MEGF8: variants seen among roughly 807,000 people sequenced by gnomAD.
MEGF8 encodes the protein multiple EGF like domains 8, also known as multiple epidermal growth factor-like domains protein 8.
A neutral mutation model predicts 302.9 loss-of-function variants in MEGF8; 156 were observed. The observed-to-expected ratio is 0.52, with a 90% CI of 0.45 to 0.59. The LOEUF (loss-of-function observed/expected upper bound fraction) is 0.59. MEGF8 is among the 20% of genes least tolerant of loss of function. The pLI is 0.00. For synonymous variants in MEGF8, 1,621 were observed against 1,660.5 expected, an observed-to-expected ratio of 0.98 and a Z score of 0.58; for missense variants, 3,345 against 3,964.5, an observed-to-expected ratio of 0.84 and a Z score of 4.20.
intron 32 of MEGF8, 68 bp from the exon 33 acceptor site, chr19:42,362,013 GCCTGCAGGA>G: frequency 6.4e-7 from 1 of 1,564,396 alleles, no homozygotes; most frequent in African/African-American, 1.3e-5. Flanking sequence ...AGGGTTGGGG[GCCTGCAGGA>G]CAGTGTCTGG....
chr19:42,367,643 C>T (rs956945838), intron 35 of MEGF8, among the ~76,000 whole-genome samples: 7 of 152,112 alleles, frequency 4.6e-5, no homozygotes, highest in African/African-American at 1.7e-4. Context: ...GCCATTGTTC[C>T]TTTACCTGGA....
At chr19:42,362,999 C>T (rs746303542) in intron 34 of MEGF8, 49 bp from the exon 35 acceptor site, 1 of 1,515,594 alleles carries the variant, frequency 6.6e-7, no homozygotes, top group Non-Finnish European at 9.0e-7. Flanking sequence ...AGGGGCTGGG[C>T]TTGCGATCTC....
rs1267117415 is a variant in MEGF8 at position 42,357,322 on chromosome 19, T to TG, written c.4831-76dup. 7 of 1,503,760 alleles carry TG rather than the reference T, an allele frequency of 4.7e-6. No individual in the cohort carries two copies. Among genetic ancestry groups the TG allele is most frequent in the South Asian group, 2.4e-5 (2 of 81,974 alleles). The allele number at this position is 1,503,760 out of a possible 1,614,324, so 93.2% of individuals were successfully genotyped here. On this transcript the variant is annotated intron_variant, in intron 27 of 41. Transcript: ENST00000251268. The surrounding 1 kb of genome is among the most constrained non-coding windows in gnomAD (Gnocchi z 5.2). The stretch of plus-strand genomic sequence containing the variant: ...CTCCTTAGTACTTCAGGGAGGACTG[T>TG]GGGGGGCTGAGGCTCGCTTCTACCC...
intron 30 of MEGF8, 26 bp from the exon 31 acceptor site, chr19:42,359,072 C>CCCCCCCCCCCCCCCCT: frequency 6.7e-7 from 1 of 1,502,158 alleles, no homozygotes; most frequent in Non-Finnish European, 8.9e-7. Flanking sequence ...GCTGTCCTGT[C>CCCCCCCCCCCCCCCCT]CCCCCACCCC....
Position 42,351,265 on chromosome 19 carries a change from C to T in MEGF8, c.2786C>T (p.Ala929Val). ...AGCACCAGCCGCAAAGGGGACGCGG[C>T]ATGCAGCCGGCGGGGCCGGGGTCGG... Reference protein sequence around the residue: ...HQSTSRKGDAACSRRGRGRGA... With the variant: ...HQSTSRKGDAVCSRRGRGRGA... Residue 929 changes from alanine to valine, a missense_variant, in exon 16 of 42, where the codon GCA (alanine) becomes GTA (valine). Ala to Val is a moderately conservative substitution (Grantham distance 64). Transcript: ENST00000251268. The surrounding 1 kb of genome is among the most constrained non-coding windows in gnomAD (Gnocchi z 5.6). 6.4e-7 allele frequency: 1 copy of T among 1,573,642 alleles called. No individual in the cohort carries two copies. The highest frequency in any genetic ancestry group is 8.6e-7 in the Non-Finnish European group (1 of 1,159,278).
chr19:42,356,709 C>A lies in MEGF8; in HGVS notation c.4623-65C>A. On this transcript the variant is annotated intron_variant, in intron 26 of 41. Transcript: ENST00000251268. This position sits in a 1 kb window ranked among gnomAD's most constrained non-coding sequence, Gnocchi z 5.2. ...AGGGGATGCGGGGACATCTGTCAGG[C>A]AGGGTCACCTTGAAGGATGCTGGGA... The A allele has an allele frequency of 6.8e-7, 1 of 1,464,694 alleles. No homozygotes were observed. Among genetic ancestry groups the A allele is most frequent in the Non-Finnish European group, 9.2e-7 (1 of 1,089,414 alleles). 90.7% of individuals were successfully genotyped at this position (1,464,694 alleles called of 1,614,324 possible).
At position 42,358,004 on chromosome 19, in the gene MEGF8, G is replaced by A. The variant is rs1483508975; in HGVS notation, c.5012-140G>A. On this transcript the variant is annotated intron_variant, in intron 28 of 41. Coordinates refer to ENST00000251268, the MANE Select transcript of MEGF8 (RefSeq NM_001271938.2). This position sits in a 1 kb window ranked among gnomAD's most constrained non-coding sequence, Gnocchi z 4.4. ...ATTGTCCATTTGAACCCAACTGAGAGGGACGGGTGGAGAGGGGCTCCCAGG... is the reference window on the plus strand; with the variant it reads ...ATTGTCCATTTGAACCCAACTGAGAAGGACGGGTGGAGAGGGGCTCCCAGG... 1.3e-6 allele frequency: 1 copy of A among 780,392 alleles called. No individual in the cohort carries two copies. Among genetic ancestry groups the A allele is most frequent in the Non-Finnish European group, 1.9e-6 (1 of 519,656 alleles). The allele number at this position is 780,392 out of a possible 1,614,324, so 48.3% of individuals were successfully genotyped here.
In MEGF8 at chr19:42,357,320, T is replaced by A; in HGVS notation, c.4831-84T>A. 6.7e-6 allele frequency: 10 copies of A among 1,491,604 alleles called. No homozygotes were observed. The highest frequency in any genetic ancestry group is 8.2e-6 in the Non-Finnish European group (9 of 1,094,214). The allele number at this position is 1,491,604 out of a possible 1,614,324, so 92.4% of individuals were successfully genotyped here. A position where few individuals can be genotyped will look rare whatever the true frequency, so the allele number is the denominator to read the frequency against. ...CCCTCCTTAGTACTTCAGGGAGGAC[T>A]GTGGGGGGCTGAGGCTCGCTTCTAC... On this transcript the variant is annotated intron_variant, in intron 27 of 41. Transcript: ENST00000251268. This position sits in a 1 kb window ranked among gnomAD's most constrained non-coding sequence, Gnocchi z 5.2.
chr19:42,352,494 A>T lies in MEGF8; in HGVS notation c.3350+38A>T, dbSNP rs1410352629. On this transcript the variant is annotated intron_variant, in intron 19 of 41. Coordinates refer to ENST00000251268, the MANE Select transcript of MEGF8 (RefSeq NM_001271938.2). The surrounding 1 kb of genome is among the most constrained non-coding windows in gnomAD (Gnocchi z 4.4). ...GGGGTTGCTATGGAGATGTTGCCCC[A>T]GGCTGGGGCACATGGAGGTGGAGGG... is the stretch of plus-strand genomic sequence containing the variant. 6.5e-7 allele frequency: 1 copy of T among 1,541,038 alleles called. No homozygotes were observed. Among genetic ancestry groups the T allele is most frequent in the Non-Finnish European group, 8.8e-7 (1 of 1,136,808 alleles).
chr19:42,338,825 A>ATTTTTTTTTTTTT (rs55994617), intron 8 of MEGF8, among the ~76,000 whole-genome samples: 2 of 47,146 alleles, frequency 4.2e-5, no homozygotes. Flanking sequence ...CTTTCTATGT[A>ATTTTTTTTTTTTT]TTTTTTTTTT....
At position 42,362,545 on chromosome 19, in the gene MEGF8, G is replaced by A; in HGVS notation, c.6006G>A (p.Glu2002=). 1 of 1,613,468 alleles carries A rather than the reference G, an allele frequency of 6.2e-7. No homozygotes were observed. Among genetic ancestry groups the A allele is most frequent in the Non-Finnish European group, 8.5e-7 (1 of 1,179,880 alleles). Residue 2002 remains glutamate, a synonymous_variant, in exon 34 of 42, where the codon GAG becomes GAA. Transcript: ENST00000251268. Reference sequence around the variant, plus strand: ...CTGCGTGCGGGGCTGCTGACTGCGAGCAGTGCACGCGGGAGGGCAAGTGCA... The same window carrying A: ...CTGCGTGCGGGGCTGCTGACTGCGAACAGTGCACGCGGGAGGGCAAGTGCA... The part of the protein sequence containing the change: ...SEAACGAADC[E]QCTREGKCMW...
chr19:42,378,448 G>C lies in MEGF8; in HGVS notation c.*1673G>C, dbSNP rs968763879. ...GCCGGTACCGTCAGTGCACAGCCCT[G>C]TTCCAGACAGTGCTGCCTGGAAGAT... On this transcript the variant is annotated 3_prime_UTR_variant, in exon 42 of 42. Coordinates refer to ENST00000251268, the MANE Select transcript of MEGF8 (RefSeq NM_001271938.2). 1.3e-5 allele frequency: 2 copies of C among 153,856 alleles called. No homozygotes were observed. Among genetic ancestry groups the C allele is most frequent in the Non-Finnish European group, 2.9e-5 (2 of 68,126 alleles). 9.5% of individuals were successfully genotyped at this position (153,856 alleles called of 1,614,324 possible).
chr19:42,340,553 G>T lies in MEGF8; in HGVS notation c.1514-2924G>T, dbSNP rs189206244. Among the ~76,000 whole-genome samples, 10 of 152,130 alleles carry T rather than the reference G, an allele frequency of 6.6e-5. No individual in the cohort carries two copies. The East Asian group carries it at 1.7e-3, about 26-fold the overall frequency. ...CTAATTTTTGTATTTTTTTAGTAGA[G>T]ATGGGGTTTCACTGTGTTGACCTTG... On this transcript the variant is annotated intron_variant, in intron 8 of 41. Transcript: ENST00000251268.
Position 42,376,802 on chromosome 19 carries a change from G to T in MEGF8, c.*27G>T, listed in dbSNP as rs921958105. On this transcript the variant is annotated 3_prime_UTR_variant, in exon 42 of 42. Coordinates refer to ENST00000251268, the MANE Select transcript of MEGF8 (RefSeq NM_001271938.2). This position sits in a 1 kb window ranked among gnomAD's most constrained non-coding sequence, Gnocchi z 8.2. Reference sequence around the variant, plus strand: ...ATGCCCAGGGTTCTCATCCACAGCAGCTGGGTCACCTGATAGGGCCGCCCT... The same window carrying T: ...ATGCCCAGGGTTCTCATCCACAGCATCTGGGTCACCTGATAGGGCCGCCCT... The T allele has an allele frequency of 8.4e-6, 12 of 1,424,732 alleles. No individual in the cohort carries two copies. Among genetic ancestry groups the T allele is most frequent in the Non-Finnish European group, 1.1e-5 (12 of 1,093,042 alleles). The allele number at this position is 1,424,732 out of a possible 1,614,324, so 88.3% of individuals were successfully genotyped here. A position where few individuals can be genotyped will look rare whatever the true frequency, so the allele number is the denominator to read the frequency against.
chr19:42,356,344 A>AGGGGT lies in MEGF8; in HGVS notation c.4514_4515insGGGTG (p.Ser1505ArgfsTer42). ...CCGCACCCACCCCTAGGACACTGCC[A>AGGGGT]GCCGCTTCCTGCACCGCCTGGGCCA... On this transcript the variant is annotated frameshift_variant, in exon 26 of 42. Coordinates refer to ENST00000251268, the MANE Select transcript of MEGF8 (RefSeq NM_001271938.2). LOFTEE classifies it high-confidence loss of function. This position sits in a 1 kb window ranked among gnomAD's most constrained non-coding sequence, Gnocchi z 5.2. 1 of 1,612,386 alleles carries AGGGGT rather than the reference A, an allele frequency of 6.2e-7. No homozygotes were observed. Among genetic ancestry groups the AGGGGT allele is most frequent in the Non-Finnish European group, 8.5e-7 (1 of 1,179,422 alleles).
At position 42,376,467 on chromosome 19, in the gene MEGF8, T is replaced by C; in HGVS notation, c.8230T>C (p.Trp2744Arg). Reference protein sequence around the residue: ...PLLLTGAGGPWGPMGGGCCPP... With the variant: ...PLLLTGAGGPRGPMGGGCCPP... ...GCTGCTGACAGGGGCCGGTGGGCCC[T>C]GGGGACCCATGGGAGGGGGCTGCTG... The change falls in exon 42 of 42, where the codon TGG (tryptophan) becomes CGG (arginine). Residue 2744 changes from tryptophan to arginine, a missense_variant. Trp to Arg is a moderately radical substitution (Grantham distance 101). Transcript: ENST00000251268. The surrounding 1 kb of genome is among the most constrained non-coding windows in gnomAD (Gnocchi z 8.2). 1 of 1,605,938 alleles carries C rather than the reference T, an allele frequency of 6.2e-7. No homozygotes were observed. Among genetic ancestry groups the C allele is most frequent in the Non-Finnish European group, 8.5e-7 (1 of 1,177,794 alleles).
chr19:42,352,462 T>G lies in MEGF8; in HGVS notation c.3350+6T>G, dbSNP rs1260678346. On this transcript the variant is annotated splice_donor_region_variant and intron_variant, in intron 19 of 41. Transcript: ENST00000251268. The surrounding 1 kb of genome is among the most constrained non-coding windows in gnomAD (Gnocchi z 4.4). ...ATCTCACACTGCAACCGCACGTGAG[T>G]GAGGCGGGGGTTGCTATGGAGATGT... is the stretch of plus-strand genomic sequence containing the variant. The G allele has an allele frequency of 6.3e-7, 1 of 1,585,460 alleles. No individual in the cohort carries two copies. The highest frequency in any genetic ancestry group is 8.6e-7 in the Non-Finnish European group (1 of 1,163,264).
chr19:42,347,159 T>C (rs967283376), intron 12 of MEGF8, among the ~76,000 whole-genome samples: 6 of 152,096 alleles, frequency 3.9e-5, no homozygotes, highest in African/African-American at 1.4e-4. Flanking sequence ...GTTTCTTTGA[T>C]CTTATTCCAG....
chr19:42,333,738 A>G lies in MEGF8; in HGVS notation c.321A>G (p.Arg107=), dbSNP rs1290331266. 1 of 1,613,794 alleles carries G rather than the reference A, an allele frequency of 6.2e-7. No homozygotes were observed. Residue 107 remains arginine (R), a synonymous_variant, in exon 2 of 42, where the codon CGA becomes CGG. Coordinates refer to ENST00000251268, the MANE Select transcript of MEGF8 (RefSeq NM_001271938.2). ...PLLASLSGST[R]PPPIEASSGK... ...TTGCCAGTCTAAGTGGGAGCACCCG[A>G]CCTCCGCCCATCGAAGCTTCCTCAG... is the stretch of plus-strand genomic sequence containing the variant.
Sources: allele counts gnomAD v4.1 joint callset (sites outside exome capture counted in the v4.1 genomes callset), GRCh38; gene constraint gnomAD v4.1.1; non-coding constraint Gnocchi (gnomAD v3.1); transcripts MANE v1.5; gene names NCBI Gene and HGNC (gene_info 2026-07-23, HGNC 2026-07-21).